Variants in TMTC3 observed in about 807,000 individuals in gnomAD.
The protein encoded by TMTC3 is protein O-mannosyl-transferase TMTC3.
Under a neutral mutation model 92.2 loss-of-function variants are expected in TMTC3, and 52 were observed. The ratio of observed to expected loss-of-function variants is 0.56; its 90% CI spans 0.45 to 0.71. TMTC3 has a LOEUF of 0.71. TMTC3 is among the 30% of genes least tolerant of loss of function. The probability of loss-of-function intolerance (pLI) is 0.00; values close to 1 mark genes in which losing one functional copy is unlikely to be tolerated. For synonymous variants in TMTC3, 339 were observed against 363.3 expected (o/e 0.93, Z 0.76); for missense variants, 896 against 1,057.1 (o/e 0.85, Z 2.11).
rs559130419 is a variant in TMTC3 at position 88,190,402 on chromosome 12, A to C, written c.1537-51A>C. On this transcript the variant is annotated intron_variant, in intron 11 of 13. Coordinates refer to ENST00000266712, the MANE Select transcript of TMTC3 (RefSeq NM_181783.4). ...TAGCCAATAGGAATATGTACTTTTG[A>C]TTTTTGATACTGAAATATCAAATCA... 1.3e-4 allele frequency: 209 copies of C among 1,554,002 alleles called. No individual in the cohort carries two copies. The East Asian group carries it at 4.5e-3, about 33-fold the overall frequency.
chr12:88,155,135 A>AATG (rs1198544813), intron 4 of TMTC3, among the ~76,000 whole-genome samples: 7 of 152,200 alleles, frequency 4.6e-5, no homozygotes, highest in Admixed American at 4.6e-4. Flanking sequence ...TGCTCTGCAT[A>AATG]ATGCCTTCTT....
In TMTC3 at chr12:88,192,727, T is replaced by A. The variant is rs1565960196; in HGVS notation, c.1830T>A (p.Leu610=). The change falls in exon 13 of 14, where the codon CTT becomes CTA. Residue 610 remains leucine, a synonymous_variant. Coordinates refer to ENST00000266712, the MANE Select transcript of TMTC3 (RefSeq NM_181783.4). ...WYNLAIVHIE[L]KEPNEALKNF... is the part of the protein sequence containing the mutation. ...ACTTGGCAATTGTACATATTGAACT[T>A]AAAGAACCAAATGAAGCCCTAAAAA... The A allele has an allele frequency of 1.2e-6, 2 of 1,613,558 alleles. No homozygotes were observed. Among genetic ancestry groups the A allele is most frequent in the Admixed American group, 3.3e-5 (2 of 60,002 alleles).
At chr12:88,178,829 T>C (rs1409718171) in intron 10 of TMTC3, among the ~76,000 whole-genome samples, 1 of 152,222 alleles carries the variant, frequency 6.6e-6, no homozygotes, top group Non-Finnish European at 1.5e-5. Flanking sequence ...CTCTTCTTTC[T>C]TGTTTCTAAA....
intron 6 of TMTC3, among the ~76,000 whole-genome samples, chr12:88,161,571 A>G (rs2041079913): frequency 6.6e-6 from 1 of 151,914 alleles, no homozygotes; most frequent in Non-Finnish European, 1.5e-5. Context: ...ATATAGTTTG[A>G]TGGAAATCTT....
At position 88,196,360 on chromosome 12, in the gene TMTC3, T is replaced by A. The variant is rs1565962479; in HGVS notation, c.*711T>A. 6.6e-6 allele frequency: 1 copy of A among 152,304 alleles called. No homozygotes were observed. Among genetic ancestry groups the A allele is most frequent in the Non-Finnish European group, 1.5e-5 (1 of 67,870 alleles). 9.4% of individuals were successfully genotyped at this position (152,304 alleles called of 1,614,324 possible). Reference sequence around the variant, plus strand: ...TACTGTATTTTTTGTTGTTTAGTTTTACTTATTGAGAGTGTCACAACATGA... The same window carrying A: ...TACTGTATTTTTTGTTGTTTAGTTTAACTTATTGAGAGTGTCACAACATGA... On this transcript the variant is annotated 3_prime_UTR_variant, in exon 14 of 14. Coordinates refer to ENST00000266712, the MANE Select transcript of TMTC3 (RefSeq NM_181783.4).
Position 88,192,756 on chromosome 12 carries a change from T to C in TMTC3, c.1859T>C (p.Phe620Ser). 2.5e-6 allele frequency: 4 copies of C among 1,613,450 alleles called. No homozygotes were observed. The highest frequency in any genetic ancestry group is 3.4e-6 in the Non-Finnish European group (4 of 1,179,658). Residue 620 changes from phenylalanine (F) to serine (S), a missense_variant, in exon 13 of 14, where the codon TTT becomes TCT. Coordinates refer to ENST00000266712, the MANE Select transcript of TMTC3 (RefSeq NM_181783.4). ...LKEPNEALKN[F>S]NRALELNPKH... ...GAACCAAATGAAGCCCTAAAAAACT[T>C]TAATCGTGCTCTGGAACTAAATCCA...
intron 9 of TMTC3, 59 bp downstream of exon 9, chr12:88,174,786 TCTAAG>T: frequency 6.3e-7 from 1 of 1,599,676 alleles, no homozygotes; most frequent in Non-Finnish European, 8.5e-7. Flanking sequence ...TGGAACAATT[TCTAAG>T]CTGTTTTAAC....
intron 10 of TMTC3, among the ~76,000 whole-genome samples, chr12:88,185,618 G>A (rs2041368644): frequency 6.6e-6 from 1 of 152,018 alleles, no homozygotes; most frequent in African/African-American, 2.4e-5. Flanking sequence ...AAATGGCATG[G>A]TCATATGATT....
At chr12:88,149,790 C>T (rs1226705794) in intron 2 of TMTC3, among the ~76,000 whole-genome samples, 1 of 151,978 alleles carries the variant, frequency 6.6e-6, no homozygotes, top group Non-Finnish European at 1.5e-5. Flanking sequence ...AGACTTTATT[C>T]GCCTTTTTGT....
chr12:88,176,380 TG>T (rs2041260111), intron 10 of TMTC3, 61 bp downstream of exon 10: 1 of 1,247,912 alleles, frequency 8.0e-7, no homozygotes, highest in South Asian at 1.4e-5. Flanking sequence ...TGATTATCCT[TG>T]GGGGAAATAA....
intron 7 of TMTC3, 131 bp from the exon 8 acceptor site, chr12:88,172,466 T>C: frequency 2.5e-6 from 1 of 405,960 alleles, no homozygotes; most frequent in Non-Finnish European, 3.8e-6. Context: ...AAAAATAGTT[T>C]AGCAGTACAC....
At chr12:88,186,481 T>C (rs1297365511) in intron 10 of TMTC3, among the ~76,000 whole-genome samples, 2 of 152,174 alleles carry the variant, frequency 1.3e-5, no homozygotes, top group Non-Finnish European at 2.9e-5. Flanking sequence ...AAACCTAGTA[T>C]TGACAAACTG....
At position 88,195,303 on chromosome 12, in the gene TMTC3, T is replaced by C; in HGVS notation, c.2399T>C (p.Leu800Ser). Residue 800 changes from leucine to serine, a missense_variant, in exon 14 of 14, where the codon TTA (leucine) becomes TCA (serine). Transcript: ENST00000266712. ...AERCLLETLALAPHEEYIQRH... is the reference protein window; with the variant it reads ...AERCLLETLASAPHEEYIQRH... ...AGATGCCTTCTTGAAACACTGGCAT[T>C]AGCACCACATGAAGAATATATTCAG... The C allele has an allele frequency of 6.2e-7, 1 of 1,613,914 alleles. No individual in the cohort carries two copies. The highest frequency in any genetic ancestry group is 1.7e-5 in the Admixed American group (1 of 60,004).
At chr12:88,177,969 C>T (rs923695928) in intron 10 of TMTC3, among the ~76,000 whole-genome samples, 2 of 152,040 alleles carry the variant, frequency 1.3e-5, no homozygotes, top group Non-Finnish European at 2.9e-5. Flanking sequence ...CAACAGGGAG[C>T]CAGGGTCTGT....
At chr12:88,188,735 G>A (rs1366061710) in intron 10 of TMTC3, 108 bp from the exon 11 acceptor site, 1 of 570,390 alleles carries the variant, frequency 1.8e-6, no homozygotes, top group Non-Finnish European at 3.0e-6. Context: ...CTTCTCATTA[G>A]TTACATTGAA....
In TMTC3 at chr12:88,199,690, A is replaced by C. The variant is rs1472922405; in HGVS notation, c.*4041A>C. On this transcript the variant is annotated 3_prime_UTR_variant, in exon 14 of 14. Transcript: ENST00000266712. ...AAAATTGTACTACCTTGTGCTGTTC[A>C]CTGCCATCAGGGAGGTAGCATAAAA... The C allele has an allele frequency of 6.6e-6, 1 of 152,192 alleles. No homozygotes were observed. The highest frequency in any genetic ancestry group is 2.4e-5 in the African/African-American group (1 of 41,452). 9.4% of individuals were successfully genotyped at this position (152,192 alleles called of 1,614,324 possible). A position where few individuals can be genotyped will look rare whatever the true frequency, so the allele number is the denominator to read the frequency against.
In TMTC3 at chr12:88,198,130, G is replaced by GATT; in HGVS notation, c.*2488_*2490dup. 2.6e-6 allele frequency: 1 copy of GATT among 390,950 alleles called. No homozygotes were observed. Among genetic ancestry groups the GATT allele is most frequent in the Non-Finnish European group, 4.5e-6 (1 of 221,290 alleles). 24.2% of individuals were successfully genotyped at this position (390,950 alleles called of 1,614,324 possible). ...TTCCATCAAACTAGCCCTTGTGTAA[G>GATT]ATTATTATTTCTTCTCTATAACTTC... On this transcript the variant is annotated 3_prime_UTR_variant, in exon 14 of 14. Coordinates refer to ENST00000266712, the MANE Select transcript of TMTC3 (RefSeq NM_181783.4).
At chr12:88,187,829 A>C (rs11104750) in intron 10 of TMTC3, among the ~76,000 whole-genome samples, 19,077 of 152,146 alleles carry the variant, frequency 0.13, 2,264 homozygotes, top group African/African-American at 0.31. Flanking sequence ...CTTTTCATGT[A>C]TTTTAGTTCG....
At chr12:88,153,633 AAG>A (rs548765011) in intron 3 of TMTC3, 124 bp downstream of exon 3, 554 of 542,574 alleles carry the variant, frequency 1.0e-3, no homozygotes, top group Non-Finnish European at 1.4e-3. Flanking sequence ...CAAATATTTG[AAG>A]ACTCTTAAAT....
Sources: allele counts gnomAD v4.1 joint callset (sites outside exome capture counted in the v4.1 genomes callset), GRCh38; gene constraint gnomAD v4.1.1; transcripts MANE v1.5; gene names NCBI Gene and HGNC (gene_info 2026-07-23, HGNC 2026-07-21).